Variants in THADA observed in about 807,000 individuals in gnomAD.
The protein encoded by THADA is THADA armadillo repeat containing, also known as tRNA (32-2'-O)-methyltransferase regulator THADA.
In THADA, 213 loss-of-function variants were observed where a neutral mutation model predicts 219.8. The observed-to-expected ratio is 0.97, with a 90% confidence interval of 0.87 to 1.09. The LOEUF is 1.09. Among genes scored for constraint, THADA ranks in the 50% least tolerant of loss-of-function variants. THADA has a pLI of 0.00. For synonymous variants in THADA, 1,018 were observed against 828.9 expected (o/e 1.23, Z -3.92); for missense variants, 2,956 against 2,311.3 (o/e 1.28, Z -5.72).
At chr2:43,505,346 C>G (rs1689529658) in intron 24 of THADA, among the ~76,000 whole-genome samples, 2 of 151,744 alleles carry the variant, frequency 1.3e-5, no homozygotes, top group Non-Finnish European at 2.9e-5. Flanking sequence ...GAGAGAAAAA[C>G]TATTCAAACA....
At chr2:43,485,845 T>C (rs1304115126) in intron 25 of THADA, among the ~76,000 whole-genome samples, 1 of 151,138 alleles carries the variant, frequency 6.6e-6, no homozygotes, top group Non-Finnish European at 1.5e-5. Context: ...GCCTGGGCAA[T>C]ACAGTAAGAC....
intron 29 of THADA, among the ~76,000 whole-genome samples, chr2:43,364,881 G>A (rs956032447): frequency 5.9e-5 from 9 of 152,000 alleles, no homozygotes; most frequent in African/African-American, 2.2e-4. Context: ...ATAAGCAACT[G>A]TAAGAGATTT....
At chr2:43,411,743 T>C (rs1676331577) in intron 28 of THADA, among the ~76,000 whole-genome samples, 1 of 152,184 alleles carries the variant, frequency 6.6e-6, no homozygotes, top group Admixed American at 6.6e-5. Flanking sequence ...ATTAAAAATA[T>C]ACTAGTGTTA....
chr2:43,338,900 A>G (rs1177828268), intron 30 of THADA, among the ~76,000 whole-genome samples: 1 of 152,168 alleles, frequency 6.6e-6, no homozygotes, highest in African/African-American at 2.4e-5. Flanking sequence ...TAGTAATTCT[A>G]TTTTCAATTT....
chr2:43,551,233 C>A (rs1188710692), intron 19 of THADA, among the ~76,000 whole-genome samples: 1 of 152,178 alleles, frequency 6.6e-6, no homozygotes, highest in East Asian at 1.9e-4. Context: ...ATTTCAACAC[C>A]AAACATAAAT....
chr2:43,387,067 C>T (rs1212698725), intron 29 of THADA, among the ~76,000 whole-genome samples: 1 of 152,092 alleles, frequency 6.6e-6, no homozygotes, highest in Non-Finnish European at 1.5e-5. Context: ...TCAGTAGAAC[C>T]TCTGTTTTTA....
At chr2:43,502,169 G>C (rs1445588009) in intron 24 of THADA, among the ~76,000 whole-genome samples, 1 of 146,546 alleles carries the variant, frequency 6.8e-6, no homozygotes, top group Non-Finnish European at 1.5e-5. Flanking sequence ...GTAATATAAA[G>C]ACTTGCACGC....
intron 22 of THADA, among the ~76,000 whole-genome samples, chr2:43,512,218 T>C (rs542490476): frequency 2.0e-5 from 3 of 152,252 alleles, no homozygotes; most frequent in African/African-American, 7.2e-5. Flanking sequence ...GCTCCTACCA[T>C]CTAGTCCAAA....
chr2:43,406,556 A>G (rs1675559224), intron 28 of THADA, among the ~76,000 whole-genome samples: 1 of 152,234 alleles, frequency 6.6e-6, no homozygotes. Context: ...GGGGCACTGA[A>G]ATGTGCTATA....
rs1362303136 is a variant in THADA at position 43,398,114 on chromosome 2, A to T, written c.4084T>A (p.Ser1362Thr). 2 of 1,613,946 alleles carry T rather than the reference A, an allele frequency of 1.2e-6. No individual in the cohort carries two copies. The highest frequency in any genetic ancestry group is 3.3e-5 in the Admixed American group (2 of 60,024). ...AAGGCACGAGCTGCCATTTCACGGG[A>T]GTGGTAGACAGGTGAGTGACCACAC... ...MRCGHSPVYH[S>T]REMAARALVP... Residue 1362 changes from serine (S) to threonine (T), a missense_variant, in exon 29 of 38, where the codon TCC becomes ACC. By Grantham distance (58) the Ser-to-Thr change is moderately conservative (BLOSUM62 1). Coordinates refer to ENST00000405975, the MANE Select transcript of THADA (RefSeq NM_022065.5).
chr2:43,592,485 G>A (rs1701681521), intron 1 of THADA, 69 bp from the exon 2 acceptor site: 3 of 935,812 alleles, frequency 3.2e-6, no homozygotes, highest in African/African-American at 1.7e-5. Context: ...TTTTTGGCTG[G>A]GTTCATTCTT....
intron 31 of THADA, among the ~76,000 whole-genome samples, chr2:43,296,570 C>A (rs1206379300): frequency 6.6e-6 from 1 of 152,160 alleles, no homozygotes; most frequent in Non-Finnish European, 1.5e-5. Context: ...GCCACTGAGC[C>A]CAGCCAGGCA....
intron 29 of THADA, among the ~76,000 whole-genome samples, chr2:43,359,230 G>C (rs1330234263): frequency 6.6e-6 from 1 of 152,226 alleles, no homozygotes; most frequent in African/African-American, 2.4e-5. Context: ...CAAAGTCATA[G>C]AGAAAGGATG....
At chr2:43,484,773 C>T (rs1019356894) in intron 26 of THADA, among the ~76,000 whole-genome samples, 5 of 151,992 alleles carry the variant, frequency 3.3e-5, no homozygotes, top group African/African-American at 4.8e-5. Flanking sequence ...CATATAGGTG[C>T]TCCTCTTAGT....
chr2:43,336,116 C>T (rs1368960402), intron 30 of THADA, among the ~76,000 whole-genome samples: 7 of 151,284 alleles, frequency 4.6e-5, no homozygotes, highest in African/African-American at 1.2e-4. Flanking sequence ...AAAAGTTAGC[C>T]AGGTCCAGTG....
intron 26 of THADA, among the ~76,000 whole-genome samples, chr2:43,481,582 T>C (rs1417072765): frequency 2.0e-5 from 3 of 152,226 alleles, no homozygotes; most frequent in African/African-American, 7.2e-5. Context: ...AATGTGTTCA[T>C]CACTCACATC....
At chr2:43,521,167 AGGAG>A (rs1021600180) in intron 22 of THADA, among the ~76,000 whole-genome samples, 5 of 130,744 alleles carry the variant, frequency 3.8e-5, no homozygotes, top group Non-Finnish European at 8.2e-5. Context: ...AGGGAAGGAA[AGGAG>A]GGAGGGAGGG....
At chr2:43,298,606 TAAAA>T (rs368669954) in intron 31 of THADA, among the ~76,000 whole-genome samples, 22 of 146,698 alleles carry the variant, frequency 1.5e-4, no homozygotes, top group East Asian at 7.9e-4. Flanking sequence ...AAAAAAAAAT[TAAAA>T]AAAAAAAATT....
At chr2:43,494,201 G>A (rs1457074044) in intron 25 of THADA, among the ~76,000 whole-genome samples, 1 of 152,164 alleles carries the variant, frequency 6.6e-6, no homozygotes, top group Non-Finnish European at 1.5e-5. Context: ...AACATATTGG[G>A]CTGTTCCAAA....
Sources: gnomAD v4.1 joint callset for allele counts (sites outside exome capture counted in the v4.1 genomes callset) on GRCh38, gnomAD v4.1.1 for gene constraint, MANE v1.5 for transcripts, NCBI Gene and HGNC (gene_info 2026-07-23, HGNC 2026-07-21) for gene names.